The following CAMK1D variants were observed in gnomAD, a reference collection of about 807,000 sequenced individuals.
CAMK1D encodes calcium/calmodulin dependent protein kinase ID, also known as calcium/calmodulin-dependent protein kinase type 1D.
CAMK1D carries 9 observed loss-of-function variants against 47.7 expected under a neutral mutation model. The ratio of observed to expected loss-of-function variants is 0.19; its 90% CI spans 0.11 to 0.33. The LOEUF (loss-of-function observed/expected upper bound fraction) is 0.33, where lower values mean the gene tolerates loss of function less well. CAMK1D is among the 10% of genes least tolerant of loss of function. CAMK1D has a pLI of 1.00. For missense variants in CAMK1D, 291 were observed against 488.7 expected (o/e 0.60, Z 3.81); for synonymous variants, 184 against 184.9 (o/e 0.99, Z 0.04).
chr10:12,650,269 G>A (rs958639890), intron 2 of CAMK1D, among the ~76,000 whole-genome samples: 1 of 152,242 alleles, frequency 6.6e-6, no homozygotes, highest in African/African-American at 2.4e-5. Flanking sequence ...AGACTGGAGC[G>A]CAGATTGATC....
chr10:12,749,749 C>G (rs1270469950), intron 3 of CAMK1D, among the ~76,000 whole-genome samples: 1 of 152,052 alleles, frequency 6.6e-6, no homozygotes, highest in African/African-American at 2.4e-5. Context: ...CCACCAACAC[C>G]TGGCTAATTT....
At chr10:12,362,183 C>T (rs1211938778) in intron 1 of CAMK1D, among the ~76,000 whole-genome samples, 1 of 152,168 alleles carries the variant, frequency 6.6e-6, no homozygotes, top group Non-Finnish European at 1.5e-5. Flanking sequence ...CGCCACCATC[C>T]ATCTCCAGAA....
intron 3 of CAMK1D, among the ~76,000 whole-genome samples, chr10:12,734,395 T>G (rs11599865): frequency 0.91 from 53,376 of 58,880 alleles, 24,865 homozygotes; most frequent in Non-Finnish European, 0.98. Context: ...GATATAGATA[T>G]ATATATATAT....
rs370763306 is a variant in CAMK1D at position 12,682,151 on chromosome 10, C to G, written c.299+15341C>G. On this transcript the variant is annotated intron_variant, in intron 3 of 10. Coordinates refer to ENST00000619168, the MANE Select transcript of CAMK1D (RefSeq NM_153498.4). ...AGGAGAATGGCGTGAACCCGGGAGGCGGAGCTTGCAGTGAGCCGAGATCGC... is the reference window on the plus strand; with the variant it reads ...AGGAGAATGGCGTGAACCCGGGAGGGGGAGCTTGCAGTGAGCCGAGATCGC... Among the ~76,000 whole-genome samples the G allele has an allele frequency of 1.7e-3, 256 of 152,238 alleles. 2 individuals are homozygous for G. The East Asian group carries it at 0.018, about 10-fold the overall frequency.
intron 2 of CAMK1D, among the ~76,000 whole-genome samples, chr10:12,580,985 A>G (rs6602599): frequency 0.15 from 22,881 of 152,120 alleles, 3,406 homozygotes; most frequent in African/African-American, 0.39. Flanking sequence ...TGGTGCACCC[A>G]TCATCTGAGC....
intron 3 of CAMK1D, among the ~76,000 whole-genome samples, chr10:12,722,291 A>G (rs1834420003): frequency 6.6e-6 from 1 of 151,820 alleles, no homozygotes; most frequent in East Asian, 1.9e-4. Context: ...TAAAAATACA[A>G]AACAATTAGC....
chr10:12,796,595 C>A (rs565504411), intron 6 of CAMK1D, among the ~76,000 whole-genome samples: 1 of 152,232 alleles, frequency 6.6e-6, no homozygotes, highest in African/African-American at 2.4e-5. Context: ...CCAGGCATCC[C>A]CCAGAGAGAA....
chr10:12,806,231 T>C (rs1332319751), intron 6 of CAMK1D, among the ~76,000 whole-genome samples: 1 of 152,158 alleles, frequency 6.6e-6, no homozygotes, highest in Non-Finnish European at 1.5e-5. Context: ...AAGGTTAGTG[T>C]TGGGTATCTG....
At chr10:12,659,926 G>T (rs1840227049) in intron 2 of CAMK1D, among the ~76,000 whole-genome samples, 1 of 152,160 alleles carries the variant, frequency 6.6e-6, no homozygotes, top group South Asian at 2.1e-4. Context: ...GCTGATTGCG[G>T]CTCGTTGACG....
intron 3 of CAMK1D, among the ~76,000 whole-genome samples, chr10:12,749,225 T>G (rs2130868494): frequency 6.6e-6 from 1 of 152,236 alleles, no homozygotes; most frequent in East Asian, 1.9e-4. Context: ...TTGAGAATAG[T>G]GGTATCTATC....
rs148855799 is a variant in CAMK1D at position 12,415,746 on chromosome 10, G to GTT, written c.92+65848_92+65849dup. 1.1e-3 allele frequency among the ~76,000 whole-genome samples: 160 copies of GTT among 139,156 alleles called. 1 individual carries two copies. The highest frequency in any genetic ancestry group is 3.7e-3 in the African/African-American group (140 of 37,850). The allele number at this position is 139,156 out of a possible 152,430, so 91.3% of individuals were successfully genotyped here. A position where few individuals can be genotyped will look rare whatever the true frequency, so the allele number is the denominator to read the frequency against. ...CCCTACGGAAGTGGATTAAAATTAC[G>GTT]TTTTTTTTTTTTTGTCTTCTTTTAA... On this transcript the variant is annotated intron_variant, in intron 1 of 10. Transcript: ENST00000619168.
chr10:12,810,464 C>T (rs943696772), intron 6 of CAMK1D, among the ~76,000 whole-genome samples: 3 of 152,158 alleles, frequency 2.0e-5, no homozygotes, highest in South Asian at 4.2e-4. Context: ...TAGCGGAGAC[C>T]GGGTTTCACC....
chr10:12,413,572 G>GCT (rs1839743464), intron 1 of CAMK1D, among the ~76,000 whole-genome samples: 4 of 148,268 alleles, frequency 2.7e-5, no homozygotes, highest in East Asian at 2.0e-4. Context: ...TGATGACATT[G>GCT]GGGATGATGA....
intron 2 of CAMK1D, among the ~76,000 whole-genome samples, chr10:12,628,761 C>G: frequency 6.6e-6 from 1 of 152,158 alleles, no homozygotes; most frequent in East Asian, 1.9e-4. Context: ...CTATACAAAT[C>G]CTGTTTTCCA....
chr10:12,791,105 C>G, intron 5 of CAMK1D, 53 bp from the exon 6 acceptor site: 1 of 1,554,906 alleles, frequency 6.4e-7, no homozygotes, highest in Non-Finnish European at 8.9e-7. Flanking sequence ...AAACTGTCTT[C>G]AGTCCGAGGC....
chr10:12,552,471 C>T (rs564161451), intron 1 of CAMK1D, among the ~76,000 whole-genome samples: 129 of 152,260 alleles, frequency 8.5e-4, no homozygotes, highest in Middle Eastern at 6.8e-3. Context: ...CTGAAATTTC[C>T]TCTAGATGAA....
intron 3 of CAMK1D, among the ~76,000 whole-genome samples, chr10:12,690,607 A>G (rs959062051): frequency 1.8e-4 from 28 of 152,156 alleles, no homozygotes; most frequent in Non-Finnish European, 3.5e-4. Context: ...TCCTATGTCA[A>G]AAGATGAACT....
At chr10:12,368,596 CTTG>C (rs953241962) in intron 1 of CAMK1D, among the ~76,000 whole-genome samples, 1 of 151,938 alleles carries the variant, frequency 6.6e-6, no homozygotes, top group Non-Finnish European at 1.5e-5. Flanking sequence ...ACCTTTCCAG[CTTG>C]TTGTGAGGTT....
intron 2 of CAMK1D, among the ~76,000 whole-genome samples, chr10:12,627,754 G>A (rs1839263527): frequency 6.6e-6 from 1 of 151,982 alleles, no homozygotes; most frequent in Admixed American, 6.6e-5. Context: ...AATGTAACAC[G>A]AGGTGTTTAT....
Sources: allele counts gnomAD v4.1 joint callset (sites outside exome capture counted in the v4.1 genomes callset), GRCh38; gene constraint gnomAD v4.1.1; transcripts MANE v1.5; gene names NCBI Gene and HGNC (gene_info 2026-07-23, HGNC 2026-07-21).